ZNF608: variants seen among roughly 807,000 people sequenced by gnomAD.
ZNF608 encodes renal carcinoma antigen NY-REN-36.
Under a neutral mutation model 109.0 loss-of-function variants are expected in ZNF608, and 12 were observed. The observed-to-expected ratio is 0.11, with a 90% CI of 0.07 to 0.18. ZNF608 has a LOEUF of 0.18. Among genes scored for constraint, ZNF608 ranks in the 10% least tolerant of loss-of-function variants. The probability of loss-of-function intolerance (pLI) is 1.00; values close to 1 mark genes in which losing one functional copy is unlikely to be tolerated. For missense variants in ZNF608, 1,707 were observed against 1,879.3 expected, an observed-to-expected ratio of 0.91 and a Z score of 1.70; for synonymous variants, 732 against 717.4, an observed-to-expected ratio of 1.02 and a Z score of -0.33.
chr5:124,727,416 A>G (rs1748660057), intron 2 of ZNF608, among the ~76,000 whole-genome samples: 2 of 152,218 alleles, frequency 1.3e-5, no homozygotes, highest in African/African-American at 4.8e-5. Context: ...GTTTATGCAT[A>G]CTACTTCTAT....
intron 4 of ZNF608, 35 bp downstream of exon 4, chr5:124,649,575 T>C (rs753465043): frequency 6.6e-7 from 1 of 1,516,348 alleles, no homozygotes; most frequent in South Asian, 1.1e-5. Context: ...AAAGAGAGGA[T>C]GGGGAAGGAG....
intron 2 of ZNF608, among the ~76,000 whole-genome samples, chr5:124,706,848 C>G (rs911465274): frequency 2.0e-5 from 3 of 152,140 alleles, no homozygotes; most frequent in Non-Finnish European, 4.4e-5. Flanking sequence ...CATGATTATT[C>G]CCAGGTGTTA....
intron 3 of ZNF608, among the ~76,000 whole-genome samples, chr5:124,669,449 G>A (rs1416955069): frequency 6.6e-6 from 1 of 152,204 alleles, no homozygotes; most frequent in Non-Finnish European, 1.5e-5. Context: ...TCAGCACCCA[G>A]GGACCTGACG....
At chr5:124,653,993 T>C (rs980763193) in intron 3 of ZNF608, among the ~76,000 whole-genome samples, 1 of 152,152 alleles carries the variant, frequency 6.6e-6, no homozygotes, top group African/African-American at 2.4e-5. Flanking sequence ...TCCCCCAGGA[T>C]TGCCTATTTT....
chr5:124,644,493 T>C lies in ZNF608; in HGVS notation c.3874A>G (p.Lys1292Glu). 6.2e-7 allele frequency: 1 copy of C among 1,614,160 alleles called. No individual in the cohort carries two copies. The highest frequency in any genetic ancestry group is 8.5e-7 in the Non-Finnish European group (1 of 1,180,018). The change falls in exon 6 of 10, where the codon AAA (lysine) becomes GAA (glutamate). Residue 1292 changes from lysine (K) to glutamate (E), a missense_variant. Physicochemically the swap from Lys to Glu is moderately conservative, Grantham distance 56. This residue lies in a region of ZNF608 where 1,073 missense variants were observed against 1,133.5 expected (regional missense o/e 0.95). Transcript: ENST00000513986. ...TGCTTGGCCTCTTTGGGCTCCTCTTTAATGCTTGTTAACGATACAGGAAGG... is the reference window on the plus strand; with the variant it reads ...TGCTTGGCCTCTTTGGGCTCCTCTTCAATGCTTGTTAACGATACAGGAAGG... Reference protein sequence around the residue: ...PSLPVSLTSIKEEPKEAKHPD... With the variant: ...PSLPVSLTSIEEEPKEAKHPD...
At position 124,648,603 on chromosome 5, in the gene ZNF608, T is replaced by C. The variant is rs1750648537; in HGVS notation, c.1781A>G (p.Lys594Arg). Residue 594 changes from lysine (K) to arginine (R), a missense_variant, in exon 5 of 10, where the codon AAG becomes AGG. Lys to Arg is a conservative substitution (Grantham distance 26, BLOSUM62 2). Around this residue, in one of 7 missense-constraint regions of ZNF608, gnomAD observed 1,073 missense variants for 1,133.5 expected, o/e 0.95. Transcript: ENST00000513986. ...KLEFEPDSED[K>R]ISDCEEGLSN... ...CAATCCTTCCTCACAGTCCGAGATC[T>C]TGTCCTCACTGTCAGGCTCGAACTC... 3 of 1,614,146 alleles carry C rather than the reference T, an allele frequency of 1.9e-6. No homozygotes were observed. The African/African-American group carries it at 4.0e-5, about 22-fold the overall frequency.
At chr5:124,652,396 TTTA>T (rs1750827952) in intron 3 of ZNF608, among the ~76,000 whole-genome samples, 1 of 152,182 alleles carries the variant, frequency 6.6e-6, no homozygotes. Context: ...AAACAAATGC[TTTA>T]CACCCAAGGA....
At chr5:124,730,727 TATAC>T (rs1748857468) in intron 2 of ZNF608, among the ~76,000 whole-genome samples, 2 of 152,186 alleles carry the variant, frequency 1.3e-5, no homozygotes, top group South Asian at 4.1e-4. Flanking sequence ...ACGTCTGTAG[TATAC>T]AGAACAGGTT....
chr5:124,659,880 T>C (rs1580563056), intron 3 of ZNF608, among the ~76,000 whole-genome samples: 1 of 152,214 alleles, frequency 6.6e-6, no homozygotes, highest in Non-Finnish European at 1.5e-5. Flanking sequence ...AGAGCCAGGC[T>C]TCCTATAAAT....
At chr5:124,643,948 G>A (rs1281981569) in intron 6 of ZNF608, among the ~76,000 whole-genome samples, 1 of 152,150 alleles carries the variant, frequency 6.6e-6, no homozygotes, top group Non-Finnish European at 1.5e-5. Context: ...GAAAGGAATA[G>A]TAACTATAAT....
chr5:124,647,766 T>C lies in ZNF608; in HGVS notation c.2618A>G (p.Glu873Gly). Residue 873 changes from glutamate (E) to glycine (G), a missense_variant, in exon 5 of 10, where the codon GAG (glutamate) becomes GGG (glycine). This residue lies in a region of ZNF608 where 1,073 missense variants were observed against 1,133.5 expected (regional missense o/e 0.95). Transcript: ENST00000513986. ...AGCTTTGATACTGGCCATGCGGCTC[T>C]CCTGAGACTCCGACAGTCCATTTGC... ...GLANGLSESQ[E>G]SRMASIKAEA... 1 of 1,614,090 alleles carries C rather than the reference T, an allele frequency of 6.2e-7. No homozygotes were observed. The highest frequency in any genetic ancestry group is 1.6e-4 in the Middle Eastern group (1 of 6,062).
intron 3 of ZNF608, among the ~76,000 whole-genome samples, chr5:124,687,417 T>C (rs997098250): frequency 6.6e-6 from 1 of 152,146 alleles, no homozygotes; most frequent in African/African-American, 2.4e-5. Flanking sequence ...ACCCAAGGAC[T>C]CAAATACTGT....
intron 3 of ZNF608, among the ~76,000 whole-genome samples, chr5:124,679,214 C>G (rs906803166): frequency 6.6e-6 from 1 of 152,228 alleles, no homozygotes; most frequent in Non-Finnish European, 1.5e-5. Flanking sequence ...ACTGGCAGAA[C>G]AGCACGGACT....
chr5:124,716,197 G>A (rs996303671), intron 2 of ZNF608, among the ~76,000 whole-genome samples: 7 of 149,076 alleles, frequency 4.7e-5, no homozygotes, highest in Admixed American at 1.3e-4. Context: ...GTTGCTTTAC[G>A]TATCAAAACT....
At chr5:124,691,466 T>C (rs1752629469) in intron 3 of ZNF608, among the ~76,000 whole-genome samples, 1 of 152,174 alleles carries the variant, frequency 6.6e-6, no homozygotes, top group Non-Finnish European at 1.5e-5. Context: ...AATCAAAAGA[T>C]AACAATTCCA....
chr5:124,669,187 G>A (rs970735625), intron 3 of ZNF608, among the ~76,000 whole-genome samples: 3 of 152,106 alleles, frequency 2.0e-5, no homozygotes, highest in Non-Finnish European at 4.4e-5. Context: ...GGGACACGTG[G>A]CAGACAAGAA....
intron 2 of ZNF608, among the ~76,000 whole-genome samples, chr5:124,731,780 C>T (rs932691243): frequency 6.6e-6 from 1 of 151,936 alleles, no homozygotes; most frequent in Non-Finnish European, 1.5e-5. Context: ...GAGCCGAGAT[C>T]GTGCCACTGC....
At chr5:124,694,710 A>C (rs1258803596) in intron 3 of ZNF608, among the ~76,000 whole-genome samples, 1 of 142,254 alleles carries the variant, frequency 7.0e-6, no homozygotes, top group Non-Finnish European at 1.5e-5. Flanking sequence ...TCCTAATGCT[A>C]TCCCTCCCCC....
chr5:124,745,187 G>C lies in ZNF608; in HGVS notation c.-183-15C>G. 7.1e-7 allele frequency: 1 copy of C among 1,400,716 alleles called. No homozygotes were observed. Among genetic ancestry groups the C allele is most frequent in the African/African-American group, 1.5e-5 (1 of 68,916 alleles). The allele number at this position is 1,400,716 out of a possible 1,614,324, so 86.8% of individuals were successfully genotyped here. A position where few individuals can be genotyped will look rare whatever the true frequency, so the allele number is the denominator to read the frequency against. ...TCCACCTTTTCCTGTGAAGGGGGGG[G>C]GAAAAGTCGAATATTTCTTGTCTGG... On this transcript the variant is annotated splice_polypyrimidine_tract_variant and intron_variant, in intron 1 of 9. Transcript: ENST00000513986.
Sources: allele counts gnomAD v4.1 joint callset (sites outside exome capture counted in the v4.1 genomes callset), GRCh38; gene constraint gnomAD v4.1.1; regional missense constraint gnomAD v4.1.1; transcripts MANE v1.5; gene names NCBI Gene and HGNC (gene_info 2026-07-23, HGNC 2026-07-21).